Variants in RNF38 observed in about 807,000 individuals in gnomAD.
RNF38 encodes the protein ring finger protein 38.
RNF38 carries 15 observed loss-of-function variants against 67.2 expected under a neutral mutation model. The ratio of observed to expected loss-of-function variants is 0.22; its 90% CI spans 0.15 to 0.34. The LOEUF is 0.34. Among genes scored for constraint, RNF38 ranks in the 10% least tolerant of loss-of-function variants. The pLI, the probability that RNF38 is intolerant of heterozygous loss-of-function variation, is 1.00. For missense variants in RNF38, 524 were observed against 639.9 expected (o/e 0.82, Z 1.95); for synonymous variants, 220 against 218.8 (o/e 1.01, Z -0.05).
chr9:36,352,137 TA>T (rs961176638), intron 8 of RNF38, among the ~76,000 whole-genome samples: 5 of 152,106 alleles, frequency 3.3e-5, no homozygotes, highest in African/African-American at 1.2e-4. Flanking sequence ...CTGTTTCTAC[TA>T]AAAGTACAAA....
Position 36,359,624 on chromosome 9 carries a change from T to C in RNF38, c.571-1682A>G, listed in dbSNP as rs148481951. Among the ~76,000 whole-genome samples, 667 of 152,310 alleles carry C rather than the reference T, an allele frequency of 4.4e-3. 5 individuals are homozygous for C. Among genetic ancestry groups the C allele is most frequent in the African/African-American group, 0.015 (626 of 41,562 alleles). Reference sequence around the variant, plus strand: ...CCATACATCTTTTCATTTTTTGGCATTGTCACACAGTTATTCTTACGTATA... The same window carrying C: ...CCATACATCTTTTCATTTTTTGGCACTGTCACACAGTTATTCTTACGTATA... On this transcript the variant is annotated intron_variant, in intron 4 of 11. Transcript: ENST00000259605.
At chr9:36,398,377 G>A (rs909655700) in intron 1 of RNF38, among the ~76,000 whole-genome samples, 2 of 152,028 alleles carry the variant, frequency 1.3e-5, no homozygotes, top group Non-Finnish European at 2.9e-5. Context: ...GAGTCCAGAA[G>A]GGACAACATA....
intron 1 of RNF38, among the ~76,000 whole-genome samples, chr9:36,473,204 T>TA (rs770038373): frequency 6.6e-5 from 10 of 151,404 alleles, no homozygotes; most frequent in Non-Finnish European, 1.5e-4. Flanking sequence ...GGGGTGCCTA[T>TA]AGTTCCAGCT....
intron 2 of RNF38, among the ~76,000 whole-genome samples, chr9:36,409,495 T>C (rs1838270844): frequency 6.6e-6 from 1 of 152,228 alleles, no homozygotes; most frequent in African/African-American, 2.4e-5. Flanking sequence ...ATTCGAATGC[T>C]GCAGACCAGA....
At chr9:36,439,802 A>C (rs992222098) in intron 1 of RNF38, among the ~76,000 whole-genome samples, 5 of 151,740 alleles carry the variant, frequency 3.3e-5, no homozygotes, top group African/African-American at 9.7e-5. Context: ...AAAAAAAAAA[A>C]AAAAAAAAAC....
At chr9:36,346,977 A>G (rs1833286591) in intron 9 of RNF38, among the ~76,000 whole-genome samples, 1 of 151,904 alleles carries the variant, frequency 6.6e-6, no homozygotes, top group South Asian at 2.1e-4. Flanking sequence ...AAAATTAGAC[A>G]GGCATGGTGG....
chr9:36,354,389 G>A (rs1263699221), intron 6 of RNF38, among the ~76,000 whole-genome samples: 1 of 152,134 alleles, frequency 6.6e-6, no homozygotes, highest in Non-Finnish European at 1.5e-5. Context: ...CTTTAGTAGA[G>A]ACAGGGTTTC....
intron 2 of RNF38, among the ~76,000 whole-genome samples, chr9:36,421,789 G>A (rs1838634994): frequency 6.6e-6 from 1 of 152,228 alleles, no homozygotes; most frequent in Non-Finnish European, 1.5e-5. Context: ...AGTGTGCAGA[G>A]GGCAACAGGT....
intron 1 of RNF38, among the ~76,000 whole-genome samples, chr9:36,459,611 A>G (rs1381430755): frequency 6.6e-6 from 1 of 152,180 alleles, no homozygotes; most frequent in African/African-American, 2.4e-5. Flanking sequence ...AGTGTGCAAG[A>G]GAAGAGTATG....
chr9:36,445,391 A>G (rs1163138657), intron 1 of RNF38, among the ~76,000 whole-genome samples: 4 of 152,200 alleles, frequency 2.6e-5, no homozygotes, highest in Admixed American at 2.0e-4. Flanking sequence ...TTTCTTTTCA[A>G]TAATGGTTAT....
chr9:36,402,795 C>G (rs761841126), upstream of RNF38, among the ~76,000 whole-genome samples: 4 of 152,164 alleles, frequency 2.6e-5, no homozygotes, highest in South Asian at 2.1e-4. Flanking sequence ...CAAATGGTTA[C>G]GATCTTCAAC....
intron 2 of RNF38, among the ~76,000 whole-genome samples, chr9:36,390,178 C>T (rs1424398111): frequency 1.3e-5 from 2 of 152,144 alleles, no homozygotes; most frequent in Non-Finnish European, 2.9e-5. Context: ...CTATCTTCTA[C>T]TTTCCTACAG....
At chr9:36,361,546 A>G (rs779546084) in intron 4 of RNF38, among the ~76,000 whole-genome samples, 20 of 152,210 alleles carry the variant, frequency 1.3e-4, no homozygotes, top group African/African-American at 2.4e-4. Flanking sequence ...TAAATTTTAT[A>G]TATTTATTAG....
At chr9:36,459,289 G>C (rs1470259775) in intron 1 of RNF38, among the ~76,000 whole-genome samples, 1 of 152,070 alleles carries the variant, frequency 6.6e-6, no homozygotes, top group Non-Finnish European at 1.5e-5. Flanking sequence ...AATGTTCTGG[G>C]GGAATCTCTA....
At chr9:36,397,009 ATATG>A (rs1280666056) in intron 1 of RNF38, among the ~76,000 whole-genome samples, 10 of 12,344 alleles carry the variant, frequency 8.1e-4, no homozygotes, top group Admixed American at 3.5e-3. Flanking sequence ...TTTGCTTTAT[ATATG>A]TGTGTGTGTG....
chr9:36,350,918 A>AT (rs1308082988), intron 9 of RNF38, among the ~76,000 whole-genome samples, 197 bp downstream of exon 9: 1 of 152,060 alleles, frequency 6.6e-6, no homozygotes, highest in Admixed American at 6.6e-5. Flanking sequence ...AATGAGATGT[A>AT]TTTTTTGCAA....
rs1225528165 is a variant in RNF38 at position 36,351,171 on chromosome 9, C to T, written c.1207G>A (p.Gly403Ser). ...TCTAATTCAAAGCTGAAAGTTGGGC[C>T]CACTGCAGGTGGCACTGGAAGCATT... Reference protein sequence around the residue: ...LSMLPVPPAVGPTFSFELDVE... With the variant: ...LSMLPVPPAVSPTFSFELDVE... Residue 403 changes from glycine (G) to serine (S), a missense_variant, in exon 9 of 12, where the codon GGC becomes AGC. Physicochemically the swap from Gly to Ser is moderately conservative, Grantham distance 56. Transcript: ENST00000259605. 1 of 1,612,962 alleles carries T rather than the reference C, an allele frequency of 6.2e-7. No individual in the cohort carries two copies. Among genetic ancestry groups the T allele is most frequent in the Non-Finnish European group, 8.5e-7 (1 of 1,179,530 alleles).
chr9:36,448,236 T>C (rs1199264663), intron 1 of RNF38, among the ~76,000 whole-genome samples: 1 of 152,206 alleles, frequency 6.6e-6, no homozygotes, highest in South Asian at 2.1e-4. Flanking sequence ...TGTGATAAAC[T>C]ATATCTAAGT....
At position 36,483,031 on chromosome 9, in the gene RNF38, C is replaced by T. The variant is rs376225703; in HGVS notation, n.241+4277G>A. On this transcript the variant is annotated intron_variant and non_coding_transcript_variant, in intron 1 of 3. Transcript: ENST00000488058. ...AGAATAGATTTCCACCCTCACTTGC[C>T]ACCTGAAACAGGTATCCTTTTGCTG... 1.9e-3 allele frequency among the ~76,000 whole-genome samples: 294 copies of T among 152,284 alleles called. 8 individuals carry two copies. The South Asian group carries it at 0.05, about 26-fold the overall frequency.
Sources: allele counts gnomAD v4.1 joint callset (sites outside exome capture counted in the v4.1 genomes callset), GRCh38; gene constraint gnomAD v4.1.1; transcripts MANE v1.5; gene names NCBI Gene and HGNC (gene_info 2026-07-23, HGNC 2026-07-21).